The following CLMN variants were observed in gnomAD, a reference collection of about 807,000 sequenced individuals.
CLMN encodes calmin (calponin-like, transmembrane).
CLMN carries 57 observed loss-of-function variants against 92.7 expected under a neutral mutation model. The observed-to-expected ratio is 0.61, with a 90% CI of 0.50 to 0.77. CLMN has a LOEUF of 0.77. CLMN is among the 30% of genes least tolerant of loss of function. The pLI is 0.00. For synonymous variants in CLMN, 466 were observed against 470.6 expected (o/e 0.99, Z 0.13); for missense variants, 1,158 against 1,237.5 (o/e 0.94, Z 0.96).
At chr14:95,267,683 AC>A (rs1443419017) in intron 1 of CLMN, among the ~76,000 whole-genome samples, 5 of 152,216 alleles carry the variant, frequency 3.3e-5, no homozygotes, top group Non-Finnish European at 5.9e-5. Flanking sequence ...AATATCCAAA[AC>A]AAAGGAAGTC....
In CLMN at chr14:95,237,853, C is replaced by T. The variant is rs533499546; in HGVS notation, c.83-7720G>A. Among the ~76,000 whole-genome samples the T allele has an allele frequency of 1.1e-4, 16 of 152,250 alleles. 2 individuals carry two copies. The highest frequency in any genetic ancestry group is 3.4e-3 in the Middle Eastern group (1 of 294). ...AGCTGACCTCTGCTCTCTGGGAAAC[C>T]CCTTCTCCTCCTTGCCCAAGGATTC... On this transcript the variant is annotated intron_variant, in intron 1 of 12. Transcript: ENST00000298912.
At chr14:95,272,148 G>A (rs996212930) in intron 1 of CLMN, among the ~76,000 whole-genome samples, 1 of 152,208 alleles carries the variant, frequency 6.6e-6, no homozygotes, top group African/African-American at 2.4e-5. Context: ...TCGTTTGTGG[G>A]TAGGGCGAGG....
At chr14:95,238,397 C>T (rs1003808720) in intron 1 of CLMN, among the ~76,000 whole-genome samples, 1 of 152,254 alleles carries the variant, frequency 6.6e-6, no homozygotes, top group South Asian at 2.1e-4. Context: ...CTTCCCCCAT[C>T]GGCTCTGGCG....
rs568200966 is a variant in CLMN, at chr14:95,239,415, G to A, written c.83-9282C>T. On this transcript the variant is annotated intron_variant, in intron 1 of 12. Transcript: ENST00000298912. ...ATGGAATGGAGATAGAAAAGTATTC[G>A]CTTTTTACATTCTATAAGGATTCAG... Among the ~76,000 whole-genome samples, 18 of 152,284 alleles carry A rather than the reference G, an allele frequency of 1.2e-4. 1 individual carries two copies. The highest frequency in any genetic ancestry group is 6.2e-4 in the South Asian group (3 of 4,820).
At chr14:95,295,397 T>G (rs1241336914) in intron 1 of CLMN, among the ~76,000 whole-genome samples, 1 of 151,982 alleles carries the variant, frequency 6.6e-6, no homozygotes, top group Non-Finnish European at 1.5e-5. Context: ...AACAGAGAGG[T>G]GAGTAAGACG....
chr14:95,214,525 G>A (rs1897280655), intron 5 of CLMN, among the ~76,000 whole-genome samples: 1 of 151,686 alleles, frequency 6.6e-6, no homozygotes, highest in Admixed American at 6.6e-5. Flanking sequence ...AATTTTGTTT[G>A]TTTTTTGTAG....
At position 95,208,258 on chromosome 14, in the gene CLMN, C is replaced by A. The variant is rs144039509; in HGVS notation, c.885+1137G>T. 1.2e-4 allele frequency among the ~76,000 whole-genome samples: 18 copies of A among 152,252 alleles called. No individual in the cohort carries two copies. The East Asian group carries it at 3.5e-3, about 29-fold the overall frequency. On this transcript the variant is annotated intron_variant, in intron 8 of 12. Coordinates refer to ENST00000298912, the MANE Select transcript of CLMN (RefSeq NM_024734.4). The stretch of plus-strand genomic sequence containing the variant: ...GGGACCTCAGCCATCTAGTTTATTT[C>A]TGAGTCCCCTAAGCCAGGGGCAAGG...
intron 1 of CLMN, among the ~76,000 whole-genome samples, chr14:95,243,892 G>A (rs1017684061): frequency 7.2e-5 from 11 of 152,100 alleles, no homozygotes; most frequent in African/African-American, 2.7e-4. Flanking sequence ...AATGTTGGAG[G>A]TGGGGCCTGG....
chr14:95,276,708 G>C (rs1022123007), intron 1 of CLMN, among the ~76,000 whole-genome samples: 1 of 152,124 alleles, frequency 6.6e-6, no homozygotes, highest in African/African-American at 2.4e-5. Context: ...CTGGTTGGAG[G>C]TCACTGCACC....
chr14:95,245,176 A>T (rs1453688003), intron 1 of CLMN, among the ~76,000 whole-genome samples: 8 of 34,958 alleles, frequency 2.3e-4, no homozygotes, highest in African/African-American at 1.3e-4. Context: ...TGGTTATATT[A>T]TATATATATA....
At chr14:95,252,675 A>G (rs944154321) in intron 1 of CLMN, among the ~76,000 whole-genome samples, 5 of 152,200 alleles carry the variant, frequency 3.3e-5, no homozygotes, top group African/African-American at 1.2e-4. Flanking sequence ...GGAGGTTTTA[A>G]GGTCACACAG....
chr14:95,253,116 C>T (rs531217109), intron 1 of CLMN, among the ~76,000 whole-genome samples: 1 of 152,170 alleles, frequency 6.6e-6, no homozygotes, highest in Admixed American at 6.5e-5. Flanking sequence ...AAACTCCAGG[C>T]ATCTTCCCCT....
In CLMN at chr14:95,194,676, G is replaced by T; in HGVS notation, c.2709-80C>A. 2 of 1,366,614 alleles carry T rather than the reference G, an allele frequency of 1.5e-6. No individual in the cohort carries two copies. Among genetic ancestry groups the T allele is most frequent in the Non-Finnish European group, 2.1e-6 (2 of 955,342 alleles). The allele number at this position is 1,366,614 out of a possible 1,614,324, so 84.7% of individuals were successfully genotyped here. A position where few individuals can be genotyped will look rare whatever the true frequency, so the allele number is the denominator to read the frequency against. On this transcript the variant is annotated intron_variant, in intron 10 of 12. Coordinates refer to ENST00000298912, the MANE Select transcript of CLMN (RefSeq NM_024734.4). The surrounding 1 kb of genome is among the most constrained non-coding windows in gnomAD (Gnocchi z 4.0). ...AGTTGTACGGTCACCCCCATCCTGG[G>T]GTTTCCACGTATGGGTTTAGGCAAG...
At position 95,203,164 on chromosome 14, in the gene CLMN, A is replaced by T. The variant is rs907248820; in HGVS notation, c.2185T>A (p.Phe729Ile). The T allele has an allele frequency of 3.1e-6, 5 of 1,612,800 alleles. No homozygotes were observed. Among genetic ancestry groups the T allele is most frequent in the Non-Finnish European group, 4.2e-6 (5 of 1,180,020 alleles). The stretch of plus-strand genomic sequence containing the variant: ...GCCAGGGGAACCTCATAGTGTGGGA[A>T]ATAGAAGAGGTCGTGGGGAATGACG... ...VSVIPHDLFY[F>I]PHYEVPLAAV... Residue 729 changes from phenylalanine (F) to isoleucine (I), a missense_variant, in exon 9 of 13, where the codon TTC becomes ATC. By Grantham distance (21) the Phe-to-Ile change is conservative. Transcript: ENST00000298912.
At chr14:95,212,351 C>T (rs2140595151) in intron 6 of CLMN, among the ~76,000 whole-genome samples, 1 of 152,288 alleles carries the variant, frequency 6.6e-6, no homozygotes, top group South Asian at 2.1e-4. Flanking sequence ...GGGGCGGCCC[C>T]GAGTTGGTTT....
chr14:95,275,140 G>C (rs117222404), intron 1 of CLMN, among the ~76,000 whole-genome samples: 5 of 152,106 alleles, frequency 3.3e-5, no homozygotes, highest in Non-Finnish European at 7.3e-5. Context: ...TTGCGGTCTC[G>C]TATGAAGACA....
intron 1 of CLMN, among the ~76,000 whole-genome samples, chr14:95,286,102 ATAT>A (rs1900331483): frequency 6.6e-6 from 1 of 152,150 alleles, no homozygotes; most frequent in Non-Finnish European, 1.5e-5. Context: ...GATATTAAGG[ATAT>A]TATTAATTAT....
At chr14:95,297,556 T>C (rs1900856612) in intron 1 of CLMN, among the ~76,000 whole-genome samples, 1 of 152,202 alleles carries the variant, frequency 6.6e-6, no homozygotes, top group Non-Finnish European at 1.5e-5. Flanking sequence ...ACATCCATTT[T>C]TTGTCCTGAT....
intron 1 of CLMN, among the ~76,000 whole-genome samples, chr14:95,274,651 C>T (rs1457947671): frequency 6.6e-6 from 1 of 152,188 alleles, no homozygotes; most frequent in Non-Finnish European, 1.5e-5. Context: ...ACCCTGACTG[C>T]CTTCTCATTC....
Sources: gnomAD v4.1 joint callset for allele counts (sites outside exome capture counted in the v4.1 genomes callset) on GRCh38, gnomAD v4.1.1 for gene constraint, Gnocchi (gnomAD v3.1) non-coding constraint, MANE v1.5 for transcripts, NCBI Gene and HGNC (gene_info 2026-07-23, HGNC 2026-07-21) for gene names.